MYLIP: variants seen among roughly 807,000 people sequenced by gnomAD.
The protein encoded by MYLIP is E3 ubiquitin-protein ligase MYLIP.
In MYLIP, 26 loss-of-function variants were observed where a neutral mutation model predicts 45.8. The ratio of observed to expected loss-of-function variants is 0.57; its 90% confidence interval spans 0.42 to 0.79. MYLIP has a LOEUF of 0.79. Among genes scored for constraint, MYLIP ranks in the 30% least tolerant of loss-of-function variants. The pLI is 0.00. For synonymous variants in MYLIP, 213 were observed against 218.1 expected (o/e 0.98, Z 0.21); for missense variants, 494 against 555.6 (o/e 0.89, Z 1.11).
rs1352989814 is a variant in MYLIP at position 16,144,936 on chromosome 6, C to T, written c.867C>T (p.Ser289=). ...CCAGCGCCGTGATGATGCAGTATAG[C>T]CGTGACTTGAAGGGCCACTTGGCAT... ...TVTSAVMMQY[S]RDLKGHLASL... The change falls in exon 6 of 7, where the codon AGC becomes AGT. Residue 289 remains serine (S), a synonymous_variant. Transcript: ENST00000356840. 1.2e-6 allele frequency: 2 copies of T among 1,614,154 alleles called. No homozygotes were observed. The highest frequency in any genetic ancestry group is 1.1e-5 in the South Asian group (1 of 91,078).
chr6:16,144,488 T>G (rs1415055032), intron 5 of MYLIP, among the ~76,000 whole-genome samples: 1 of 152,262 alleles, frequency 6.6e-6, no homozygotes, highest in African/African-American at 2.4e-5. Flanking sequence ...CTAAGAAATT[T>G]AAGTCGTAGA....
intron 2 of MYLIP, among the ~76,000 whole-genome samples, chr6:16,136,308 C>T (rs1008666292): frequency 2.0e-5 from 3 of 149,682 alleles, no homozygotes; most frequent in East Asian, 2.0e-4. Context: ...TATGCCTGTG[C>T]GGCCTTATCT....
Position 16,143,137 on chromosome 6 carries a change from T to C in MYLIP, c.582T>C (p.Asp194=). 6.2e-7 allele frequency: 1 copy of C among 1,614,210 alleles called. No homozygotes were observed. Among genetic ancestry groups the C allele is most frequent in the Admixed American group, 1.7e-5 (1 of 60,020 alleles). ...NYGIEWHSVR[D]SEGQKLLIGV... ...GCATAGAATGGCATTCTGTGCGGGA[T>C]AGCGAAGGGCAGAAACTGCTCATTG... is the stretch of plus-strand genomic sequence containing the variant. The change falls in exon 4 of 7, where the codon GAT becomes GAC. Residue 194 remains aspartate, a synonymous_variant. Transcript: ENST00000356840.
At chr6:16,161,297 C>A in the MYLIP span, 26 of 364,906 alleles carry the variant, frequency 7.1e-5, no homozygotes, top group African/African-American at 4.9e-4. Context: ...GCTGTCACAT[C>A]TATTACTGGA....
At chr6:16,162,691 C>G in the MYLIP span, among the ~76,000 whole-genome samples, 1 of 148,292 alleles carries the variant, frequency 6.7e-6, no homozygotes, top group Non-Finnish European at 1.5e-5. Flanking sequence ...TGGCTCATGC[C>G]TATAATCCCG....
At chr6:16,136,880 G>A (rs1216697716) in intron 2 of MYLIP, among the ~76,000 whole-genome samples, 1 of 152,064 alleles carries the variant, frequency 6.6e-6, no homozygotes, top group East Asian at 1.9e-4. Context: ...ACTCATTTTT[G>A]TTGTTTGCTT....
the MYLIP span, among the ~76,000 whole-genome samples, chr6:16,157,368 G>T: frequency 6.6e-6 from 1 of 152,176 alleles, no homozygotes; most frequent in East Asian, 1.9e-4. Flanking sequence ...TCATGCATAT[G>T]CCTAGATTAC....
chr6:16,155,141 T>A, the MYLIP span, among the ~76,000 whole-genome samples: 1 of 152,156 alleles, frequency 6.6e-6, no homozygotes. Flanking sequence ...TAGTCAGGCC[T>A]TAGTGGGGAG....
chr6:16,162,805 A>AAAAAAAAAAAAAAAAAAAAAAAAAAAAAT, the MYLIP span, among the ~76,000 whole-genome samples: 1 of 150,664 alleles, frequency 6.6e-6, no homozygotes, highest in African/African-American at 2.4e-5. Context: ...AAAAAAAAAA[A>AAAAAAAAAAAAAAAAAAAAAAAAAAAAAT]GAAATTCATT....
downstream of MYLIP, among the ~76,000 whole-genome samples, chr6:16,153,162 T>C (rs1051814924): frequency 3.3e-5 from 5 of 152,236 alleles, no homozygotes; most frequent in Non-Finnish European, 7.3e-5. Context: ...TCTGAGTTTT[T>C]AGTAAAGGTA....
In MYLIP at chr6:16,137,907, T is replaced by C. The variant is rs139952026; in HGVS notation, c.279-3718T>C. ...CCATTAAAAAAAAAATCTATAATGC[T>C]CAGTAAATGTTAATTCATCTGTGCC... is the stretch of plus-strand genomic sequence containing the variant. On this transcript the variant is annotated intron_variant, in intron 2 of 6. Transcript: ENST00000356840. Among the ~76,000 whole-genome samples the C allele has an allele frequency of 3.9e-3, 599 of 152,186 alleles. 6 individuals are homozygous for C. Among genetic ancestry groups the C allele is most frequent in the African/African-American group, 0.013 (542 of 41,510 alleles).
downstream of MYLIP, among the ~76,000 whole-genome samples, chr6:16,152,338 T>C (rs78008437): frequency 0.064 from 9,723 of 152,252 alleles, 346 homozygotes; most frequent in African/African-American, 0.1. Context: ...ACCTAGAATA[T>C]ATCAGGCTCT....
At chr6:16,155,908 T>TA in the MYLIP span, among the ~76,000 whole-genome samples, 51,025 of 151,830 alleles carry the variant, frequency 0.34, 10,728 homozygotes, top group East Asian at 0.72. Flanking sequence ...TGACAGCCTT[T>TA]CTTTTCTGCA....
intron 2 of MYLIP, among the ~76,000 whole-genome samples, chr6:16,138,870 C>T (rs1259283429): frequency 1.3e-5 from 2 of 152,146 alleles, no homozygotes; most frequent in African/African-American, 2.4e-5. Context: ...TGGAGTATGT[C>T]GAAAAGGTCA....
chr6:16,158,868 TCAAAACAAAA>T, the MYLIP span, among the ~76,000 whole-genome samples: 171 of 152,252 alleles, frequency 1.1e-3, no homozygotes, highest in African/African-American at 3.4e-3. Context: ...AGACTCCGTC[TCAAAACAAAA>T]CAAAACAAAA....
chr6:16,143,070 A>G lies in MYLIP; in HGVS notation c.515A>G (p.Glu172Gly). ...ELEGTSQASA[E>G]YQVLQIVSAM... is the part of the protein sequence containing the mutation. ...GAGGGGACCAGCCAGGCTTCAGCTGAATACCAAGTTTTGCAGATTGTGTCG... is the reference window on the plus strand; with the variant it reads ...GAGGGGACCAGCCAGGCTTCAGCTGGATACCAAGTTTTGCAGATTGTGTCG... The change falls in exon 4 of 7, where the codon GAA (glutamate) becomes GGA (glycine). Residue 172 changes from glutamate to glycine, a missense_variant. Physicochemically the swap from Glu to Gly is moderately conservative, Grantham distance 98. Transcript: ENST00000356840. 1 of 1,614,236 alleles carries G rather than the reference A, an allele frequency of 6.2e-7. No individual in the cohort carries two copies. The highest frequency in any genetic ancestry group is 8.5e-7 in the Non-Finnish European group (1 of 1,180,044).
chr6:16,163,692 T>C, the MYLIP span: 1 of 152,228 alleles, frequency 6.6e-6, no homozygotes, highest in African/African-American at 2.4e-5. Flanking sequence ...CCTTTGACAT[T>C]TATCTTCATC....
the MYLIP span, among the ~76,000 whole-genome samples, chr6:16,155,855 C>T: frequency 2.0e-5 from 3 of 152,052 alleles, no homozygotes; most frequent in Non-Finnish European, 2.9e-5. Context: ...TGCCTTTTTG[C>T]GTGAGATAGT....
chr6:16,144,122 C>T (rs560059698), intron 5 of MYLIP, among the ~76,000 whole-genome samples: 1 of 152,158 alleles, frequency 6.6e-6, no homozygotes, highest in African/African-American at 2.4e-5. Context: ...TGCCATTAAT[C>T]TAGACACAAA....
Sources: allele counts gnomAD v4.1 joint callset (sites outside exome capture counted in the v4.1 genomes callset), GRCh38; gene constraint gnomAD v4.1.1; transcripts MANE v1.5; gene names NCBI Gene and HGNC (gene_info 2026-07-23, HGNC 2026-07-21).